The following ZCCHC8 variants were observed in gnomAD, a reference collection of about 807,000 sequenced individuals.
ZCCHC8 encodes zinc finger CCHC-type containing 8.
Under a neutral mutation model 70.6 loss-of-function variants are expected in ZCCHC8, and 27 were observed. The observed-to-expected ratio is 0.38, with a 90% CI of 0.28 to 0.53. ZCCHC8 has a LOEUF of 0.53. Ranked by LOEUF, ZCCHC8 falls within the 20% of genes least tolerant of loss-of-function variation. The pLI is 0.81. For missense variants in ZCCHC8, 737 were observed against 876.9 expected, an observed-to-expected ratio of 0.84 and a Z score of 2.01; for synonymous variants, 293 against 317.4, an observed-to-expected ratio of 0.92 and a Z score of 0.82.
At chr12:122,486,297 C>T (rs1593323348) in intron 5 of ZCCHC8, among the ~76,000 whole-genome samples, 1 of 151,082 alleles carries the variant, frequency 6.6e-6, no homozygotes, top group Admixed American at 6.6e-5. Flanking sequence ...CCTGTGATCC[C>T]AGCTACTCAG....
intron 2 of ZCCHC8, among the ~76,000 whole-genome samples, chr12:122,493,865 G>A (rs1036669951): frequency 1.3e-5 from 2 of 151,612 alleles, no homozygotes; most frequent in South Asian, 2.1e-4. Context: ...TGCCCGCCTC[G>A]GCCTCCCAAA....
chr12:122,498,745 T>G, intron 2 of ZCCHC8, 82 bp downstream of exon 2: 1 of 1,386,824 alleles, frequency 7.2e-7, no homozygotes. Context: ...CCATACACTT[T>G]TTACAACGAA....
In ZCCHC8 at chr12:122,472,500, C is replaced by T. The variant is rs1181567885; in HGVS notation, c.*997G>A. ...AGGATTATAAGCATGAGCCACCACG[C>T]CTGGCCAACAATTTACTTTTAAACT... On this transcript the variant is annotated 3_prime_UTR_variant, in exon 14 of 14. Transcript: ENST00000633063. The T allele has an allele frequency of 6.6e-6, 1 of 152,186 alleles. No homozygotes were observed. The highest frequency in any genetic ancestry group is 1.5e-5 in the Non-Finnish European group (1 of 68,054). 9.4% of individuals were successfully genotyped at this position (152,186 alleles called of 1,614,324 possible).
intron 3 of ZCCHC8, among the ~76,000 whole-genome samples, chr12:122,491,806 C>G (rs35483694): frequency 0.16 from 22,724 of 141,696 alleles, 2,286 homozygotes; most frequent in Non-Finnish European, 0.23. Context: ...CCAGCCTGAG[C>G]AACAAGACCG....
At chr12:122,494,613 T>C (rs982173565) in intron 2 of ZCCHC8, among the ~76,000 whole-genome samples, 8 of 150,798 alleles carry the variant, frequency 5.3e-5, no homozygotes, top group African/African-American at 1.7e-4. Context: ...CCCAGTACTT[T>C]GGGAGGCCGA....
At chr12:122,499,022 T>C (rs1566309279) in intron 1 of ZCCHC8, 153 bp from the exon 2 acceptor site, 2 of 737,398 alleles carry the variant, frequency 2.7e-6, no homozygotes, top group South Asian at 1.7e-5. Context: ...TTCTATTTTG[T>C]TGCAGGGGTA....
At position 122,473,287 on chromosome 12, in the gene ZCCHC8, T is replaced by C. The variant is rs1015468683; in HGVS notation, c.*210A>G. ...CTCTCTAAACCAGGTCATATTCACA[T>C]CTCCCCCCAAGTTTTGTCAGTGAGA... On this transcript the variant is annotated 3_prime_UTR_variant, in exon 14 of 14. Coordinates refer to ENST00000633063, the MANE Select transcript of ZCCHC8 (RefSeq NM_017612.5). The C allele has an allele frequency of 8.6e-6, 5 of 581,006 alleles. No individual in the cohort carries two copies. The highest frequency in any genetic ancestry group is 1.5e-5 in the Non-Finnish European group (5 of 339,164). 36.0% of individuals were successfully genotyped at this position (581,006 alleles called of 1,614,324 possible). A position where few individuals can be genotyped will look rare whatever the true frequency, so the allele number is the denominator to read the frequency against.
intron 11 of ZCCHC8, 21 bp downstream of exon 11, chr12:122,480,169 T>A: frequency 1.9e-6 from 3 of 1,538,500 alleles, no homozygotes; most frequent in East Asian, 2.3e-5. Context: ...CATGATAATT[T>A]AAAAAAATCA....
chr12:122,480,064 G>T, intron 11 of ZCCHC8, 126 bp downstream of exon 11: 1 of 812,162 alleles, frequency 1.2e-6, no homozygotes, highest in Non-Finnish European at 1.9e-6. Context: ...ATCTTGCCTC[G>T]GACTCCCAAA....
chr12:122,481,432 C>T (rs897085843), intron 10 of ZCCHC8, 90 bp downstream of exon 10: 14 of 1,450,480 alleles, frequency 9.7e-6, no homozygotes, highest in East Asian at 7.0e-5. Flanking sequence ...TTAAAGAAGC[C>T]GGCCATTCCT....
In ZCCHC8 at chr12:122,471,681, C is replaced by T. The variant is rs1164768030; in HGVS notation, c.*1816G>A. 6.6e-6 allele frequency: 1 copy of T among 152,190 alleles called. No individual in the cohort carries two copies. Among genetic ancestry groups the T allele is most frequent in the East Asian group, 1.9e-4 (1 of 5,198 alleles). 9.4% of individuals were successfully genotyped at this position (152,190 alleles called of 1,614,324 possible). A position where few individuals can be genotyped will look rare whatever the true frequency, so the allele number is the denominator to read the frequency against. ...ATTTTAAATTTTATTCTATTTCTAG[C>T]ACATTCTGTGAGGGCTTTAAAAAGA... is the stretch of plus-strand genomic sequence containing the variant. On this transcript the variant is annotated 3_prime_UTR_variant, in exon 14 of 14. Transcript: ENST00000633063.
chr12:122,498,580 A>T (rs568272285), intron 2 of ZCCHC8, among the ~76,000 whole-genome samples: 32 of 152,348 alleles, frequency 2.1e-4, no homozygotes, highest in Non-Finnish European at 3.5e-4. Context: ...AACATTAAGT[A>T]AACATTTTCT....
In ZCCHC8 at chr12:122,481,721, A is replaced by G. The variant is rs1450901661; in HGVS notation, c.876-57T>C. ...TGAATTCTTATTTGCATGAAAACAC[A>G]TAGTATTCTGGTATTTTAAAACATT... On this transcript the variant is annotated intron_variant, in intron 9 of 13. Coordinates refer to ENST00000633063, the MANE Select transcript of ZCCHC8 (RefSeq NM_017612.5). 30 of 1,565,024 alleles carry G rather than the reference A, an allele frequency of 1.9e-5. 1 individual carries two copies. Among genetic ancestry groups the G allele is most frequent in the Middle Eastern group, 4.4e-4 (2 of 4,528 alleles).
At position 122,478,201 on chromosome 12, in the gene ZCCHC8, T is replaced by C. The variant is rs766687555; in HGVS notation, c.1227+5A>G. 2.5e-6 allele frequency: 4 copies of C among 1,584,728 alleles called. No individual in the cohort carries two copies. In the East Asian group the frequency reaches 6.8e-5, roughly 27 times the overall value. The stretch of plus-strand genomic sequence containing the variant: ...TTATAGAGCACACCCTTAAAATCTA[T>C]TTACCGCTTGGAAGTTAGAAGTAAG... On this transcript the variant is annotated splice_donor_5th_base_variant and intron_variant, in intron 12 of 13. Coordinates refer to ENST00000633063, the MANE Select transcript of ZCCHC8 (RefSeq NM_017612.5).
Position 122,474,151 on chromosome 12 carries a change from C to G in ZCCHC8, c.1470G>C (p.Lys490Asn). The G allele has an allele frequency of 6.6e-7, 1 of 1,510,636 alleles. No individual in the cohort carries two copies. The highest frequency in any genetic ancestry group is 8.8e-7 in the Non-Finnish European group (1 of 1,135,866). The allele number at this position is 1,510,636 out of a possible 1,614,324, so 93.6% of individuals were successfully genotyped here. A position where few individuals can be genotyped will look rare whatever the true frequency, so the allele number is the denominator to read the frequency against. Residue 490 changes from lysine to asparagine, a missense_variant, in exon 14 of 14, where the codon AAG (lysine) becomes AAC (asparagine). Physicochemically the swap from Lys to Asn is moderately conservative, Grantham distance 94. Transcript: ENST00000633063. ...PPPVFTPPLP[K>N]GTPPLTPSDS... ...CACTGGGAGTCAGCGGCGGGGTGCC[C>G]TTTGGGAGTGGAGGGGTGAAGACGG...
chr12:122,480,041 G>A, intron 11 of ZCCHC8, 149 bp downstream of exon 11: 1 of 676,902 alleles, frequency 1.5e-6, no homozygotes, highest in South Asian at 2.1e-5. Context: ...CGAACTCTGG[G>A]ACTCAAGTGA....
At chr12:122,494,381 G>A (rs1957793892) in intron 2 of ZCCHC8, among the ~76,000 whole-genome samples, 2 of 149,548 alleles carry the variant, frequency 1.3e-5, no homozygotes, top group South Asian at 2.1e-4. Context: ...GTGCAACCCC[G>A]TTTCTACTAA....
chr12:122,473,037 A>G lies in ZCCHC8; in HGVS notation c.*460T>C, dbSNP rs549146303. ...TGTAAATCACTTACAAAAATACCCC[A>G]AATGGGATAAAGCTGCTCATCCCTG... On this transcript the variant is annotated 3_prime_UTR_variant, in exon 14 of 14. Coordinates refer to ENST00000633063, the MANE Select transcript of ZCCHC8 (RefSeq NM_017612.5). The G allele has an allele frequency of 6.4e-6, 1 of 156,134 alleles. No homozygotes were observed. Among genetic ancestry groups the G allele is most frequent in the Non-Finnish European group, 1.4e-5 (1 of 70,492 alleles). The allele number at this position is 156,134 out of a possible 1,614,324, so 9.7% of individuals were successfully genotyped here. A position where few individuals can be genotyped will look rare whatever the true frequency, so the allele number is the denominator to read the frequency against.
rs961568135 is a variant in ZCCHC8 at position 122,500,017 on chromosome 12, A to G, written c.199+625T>C. Reference sequence around the variant, plus strand: ...TGCAATCTTGTAACTCAAGTCTAACAGAAACTTCTTTGGCGCGTTTTCCTC... The same window carrying G: ...TGCAATCTTGTAACTCAAGTCTAACGGAAACTTCTTTGGCGCGTTTTCCTC... On this transcript the variant is annotated intron_variant, in intron 1 of 13. Coordinates refer to ENST00000633063, the MANE Select transcript of ZCCHC8 (RefSeq NM_017612.5). The surrounding 1 kb of genome is among the most constrained non-coding windows in gnomAD (Gnocchi z 4.8). The G allele has an allele frequency of 6.6e-6, 1 of 152,262 alleles. No homozygotes were observed. The highest frequency in any genetic ancestry group is 2.4e-5 in the African/African-American group (1 of 41,468). 9.4% of individuals were successfully genotyped at this position (152,262 alleles called of 1,614,324 possible).
Sources: allele counts gnomAD v4.1 joint callset (sites outside exome capture counted in the v4.1 genomes callset), GRCh38; gene constraint gnomAD v4.1.1; non-coding constraint Gnocchi (gnomAD v3.1); transcripts MANE v1.5; gene names NCBI Gene and HGNC (gene_info 2026-07-23, HGNC 2026-07-21).